Variants in SREBF1 observed in about 807,000 individuals in gnomAD.
The protein encoded by SREBF1 is sterol regulatory element binding transcription factor 1.
In SREBF1, 45 loss-of-function variants were observed where a neutral mutation model predicts 100.1. The observed-to-expected ratio is 0.45, with a 90% CI of 0.35 to 0.58. SREBF1 has a LOEUF of 0.58. SREBF1 is among the 20% of genes least tolerant of loss of function. The pLI is 0.00. For synonymous variants in SREBF1, 657 were observed against 681.8 expected (o/e 0.96, Z 0.57); for missense variants, 1,324 against 1,539.4 (o/e 0.86, Z 2.34).
At chr17:17,818,590 G>A in intron 5 of SREBF1, 1 of 597,048 alleles carries the variant, frequency 1.7e-6, no homozygotes, top group Non-Finnish European at 3.1e-6. Flanking sequence ...AGACAGCAGG[G>A]TCTGGCTAGC....
chr17:17,826,592 C>T (rs1029523135), intron 1 of SREBF1, among the ~76,000 whole-genome samples: 1 of 152,172 alleles, frequency 6.6e-6, no homozygotes, highest in Non-Finnish European at 1.5e-5. Flanking sequence ...TCACCTTCCC[C>T]AGGCTTGTGA....
At chr17:17,832,439 G>C (rs1030341272) in intron 1 of SREBF1, among the ~76,000 whole-genome samples, 1 of 152,176 alleles carries the variant, frequency 6.6e-6, no homozygotes, top group Non-Finnish European at 1.5e-5. Flanking sequence ...CTCAAGGCCA[G>C]CCTGGCCCCC....
chr17:17,824,629 T>C lies in SREBF1; in HGVS notation c.92-4108A>G, dbSNP rs9899634. Among the ~76,000 whole-genome samples, 1 of 151,912 alleles carries C rather than the reference T, an allele frequency of 6.6e-6. No individual in the cohort carries two copies. The highest frequency in any genetic ancestry group is 1.5e-5 in the Non-Finnish European group (1 of 67,974). ...CACAAAGTGATCAGAGCCTGGCCAG[T>C]TGATTTTGCAGCCAAGTAGACCACC... On this transcript the variant is annotated intron_variant, in intron 1 of 18. Transcript: ENST00000261646. The surrounding 1 kb of genome is among the most constrained non-coding windows in gnomAD (Gnocchi z 4.2).
At chr17:17,835,568 A>T (rs2035173598) in intron 1 of SREBF1, among the ~76,000 whole-genome samples, 1 of 152,214 alleles carries the variant, frequency 6.6e-6, no homozygotes, top group Non-Finnish European at 1.5e-5. Context: ...TCAGGCTGTG[A>T]GTCTAGGCAT....
At chr17:17,823,673 G>T in intron 1 of SREBF1, 1 of 1,037,922 alleles carries the variant, frequency 9.6e-7, no homozygotes, top group Non-Finnish European at 1.3e-6. Context: ...GCCCCGCCCC[G>T]CCCCCAGCCC....
In SREBF1 at chr17:17,817,209, T is replaced by G. The variant is rs781159711; in HGVS notation, c.1606+47A>C. 1.7e-5 allele frequency: 28 copies of G among 1,609,360 alleles called. No individual in the cohort carries two copies. The South Asian group carries it at 3.1e-4, about 18-fold the overall frequency. ...GCCCCAAGTTCACAAGCCTGGGGGC[T>G]CACCCCGAGTGTCCCTCCCAAAGAT... On this transcript the variant is annotated intron_variant, in intron 8 of 18. Coordinates refer to ENST00000261646, the MANE Select transcript of SREBF1 (RefSeq NM_004176.5). This position sits in a 1 kb window ranked among gnomAD's most constrained non-coding sequence, Gnocchi z 6.6.
chr17:17,818,279 G>C lies in SREBF1; in HGVS notation c.1164C>G (p.Arg388=). ...ACTCACTGCTTTTGTGGACAGCAGT[G>C]CGCAGACTTAGGTTCTCCTGCTTGA... ...QKLKQENLSL[R]TAVHKSKSLK... Residue 388 remains arginine (R), a synonymous_variant, in exon 6 of 19, where the codon CGC becomes CGG. Coordinates refer to ENST00000261646, the MANE Select transcript of SREBF1 (RefSeq NM_004176.5). 6.2e-7 allele frequency: 1 copy of C among 1,613,972 alleles called. No homozygotes were observed. Among genetic ancestry groups the C allele is most frequent in the East Asian group, 2.2e-5 (1 of 44,874 alleles).
At chr17:17,813,229 A>G (rs1031501852) in intron 18 of SREBF1, 139 bp downstream of exon 18, 1 of 893,508 alleles carries the variant, frequency 1.1e-6, no homozygotes, top group Non-Finnish European at 1.8e-6. Context: ...TGAGCCTCCC[A>G]AAGTGCTAGG....
chr17:17,823,423 C>T (rs2034242146), intron 1 of SREBF1: 2 of 972,274 alleles, frequency 2.1e-6, no homozygotes, highest in Non-Finnish European at 3.3e-6. Flanking sequence ...CTTTCCTGCT[C>T]AAGTTGCGTA....
At position 17,819,302 on chromosome 17, in the gene SREBF1, C is replaced by T; in HGVS notation, c.846+18G>A. On this transcript the variant is annotated intron_variant, in intron 4 of 18. Transcript: ENST00000261646. ...GTGTGTAGACCCCACTCCCTTATGC[C>T]CTGCCCACGTCACCCACCGGCAAAG... is the stretch of plus-strand genomic sequence containing the variant. 2 of 1,613,602 alleles carry T rather than the reference C, an allele frequency of 1.2e-6. No homozygotes were observed. The highest frequency in any genetic ancestry group is 1.7e-6 in the Non-Finnish European group (2 of 1,180,022).
chr17:17,833,450 A>AAAAAT (rs1567995797), intron 1 of SREBF1, among the ~76,000 whole-genome samples: 5 of 47,522 alleles, frequency 1.1e-4, no homozygotes, highest in African/African-American at 3.7e-4. Context: ...AAAAAAAAAA[A>AAAAAT]ATATATATAT....
Position 17,815,980 on chromosome 17 carries a change from A to G in SREBF1, c.2263T>C (p.Ser755Pro), listed in dbSNP as rs1403154587. The G allele has an allele frequency of 8.7e-6, 14 of 1,612,724 alleles. No individual in the cohort carries two copies. The East Asian group carries it at 3.1e-4, about 36-fold the overall frequency. ...ARQACLAQSGSVPPAMQWLCH... is the reference protein window; with the variant it reads ...ARQACLAQSGPVPPAMQWLCH... ...AGCCACTGCATGGCAGGAGGCACTG[A>G]GCCACTCTGTGCCAGGCAGGCCTGG... Residue 755 changes from serine to proline, a missense_variant, in exon 12 of 19, where the codon TCA (serine) becomes CCA (proline). Transcript: ENST00000261646.
chr17:17,830,608 C>T (rs923036934), intron 1 of SREBF1, among the ~76,000 whole-genome samples: 1 of 152,210 alleles, frequency 6.6e-6, no homozygotes, highest in Non-Finnish European at 1.5e-5. Flanking sequence ...TGCTGGGAGA[C>T]AGGTGCAGGG....
At chr17:17,814,482 C>T in intron 15 of SREBF1, 72 bp from the exon 16 acceptor site, 1 of 1,542,186 alleles carries the variant, frequency 6.5e-7, no homozygotes, top group Non-Finnish European at 8.7e-7. Flanking sequence ...CCCCACTTCC[C>T]TGGCTCGAGT....
intron 1 of SREBF1, among the ~76,000 whole-genome samples, chr17:17,830,864 T>C (rs2034816862): frequency 6.6e-6 from 1 of 152,112 alleles, no homozygotes; most frequent in Non-Finnish European, 1.5e-5. Context: ...TGTCACACAC[T>C]GTCAGTGCCC....
chr17:17,815,313 C>A lies in SREBF1; in HGVS notation c.2400G>T (p.Gln800His). 1 of 1,613,564 alleles carries A rather than the reference C, an allele frequency of 6.2e-7. No homozygotes were observed. Among genetic ancestry groups the A allele is most frequent in the Non-Finnish European group, 8.5e-7 (1 of 1,179,958 alleles). ...GATGTTCCCGGAATAGCTGAGTCACCTGGGCCAGGGGGTCCACTGTGGAGA... is the reference window on the plus strand; with the variant it reads ...GATGTTCCCGGAATAGCTGAGTCACATGGGCCAGGGGGTCCACTGTGGAGA... ...LAGNPVDPLA[Q>H]VTQLFREHLL... Residue 800 changes from glutamine to histidine, a missense_variant, in exon 13 of 19, where the codon CAG (glutamine) becomes CAT (histidine). By Grantham distance (24) the Gln-to-His change is conservative. Coordinates refer to ENST00000261646, the MANE Select transcript of SREBF1 (RefSeq NM_004176.5).
intron 18 of SREBF1, chr17:17,813,054 T>C (rs2033103301): frequency 3.3e-6 from 2 of 605,814 alleles, no homozygotes; most frequent in African/African-American, 3.7e-5. Flanking sequence ...TGCAGTCATG[T>C]ATCCCACAAA....
At position 17,812,585 on chromosome 17, in the gene SREBF1, G is replaced by T. The variant is rs763401166; in HGVS notation, c.*37C>A. The T allele has an allele frequency of 1.9e-6, 3 of 1,560,006 alleles. No homozygotes were observed. In the Admixed American group the frequency reaches 5.5e-5, roughly 29 times the overall value. ...ACAGAAGCTGCACGGGACCAAAGTG[G>T]CTAGAGACAGGGGTGCTGAGGCCGG... On this transcript the variant is annotated 3_prime_UTR_variant, in exon 19 of 19. Coordinates refer to ENST00000261646, the MANE Select transcript of SREBF1 (RefSeq NM_004176.5).
rs1567967090 is a variant in SREBF1, at chr17:17,817,251, C to T, written c.1606+5G>A. On this transcript the variant is annotated splice_donor_5th_base_variant and intron_variant, in intron 8 of 18. Coordinates refer to ENST00000261646, the MANE Select transcript of SREBF1 (RefSeq NM_004176.5). The surrounding 1 kb of genome is among the most constrained non-coding windows in gnomAD (Gnocchi z 6.6). ...CCCAAAGATGCCCAGGCTGGCCGGT[C>T]CCACCTCTGCTCTCGGTGCCCAGCA... 2.5e-6 allele frequency: 4 copies of T among 1,608,052 alleles called. No individual in the cohort carries two copies. The highest frequency in any genetic ancestry group is 3.4e-6 in the Non-Finnish European group (4 of 1,177,798).
Sources: allele counts gnomAD v4.1 joint callset (sites outside exome capture counted in the v4.1 genomes callset), GRCh38; gene constraint gnomAD v4.1.1; non-coding constraint Gnocchi (gnomAD v3.1); transcripts MANE v1.5; gene names NCBI Gene and HGNC (gene_info 2026-07-23, HGNC 2026-07-21).